PALM2AKAP2: variants seen among roughly 807,000 people sequenced by gnomAD.
PALM2AKAP2 encodes the protein PALM2 and AKAP2 fusion.
In PALM2AKAP2, 37 loss-of-function variants were observed where a neutral mutation model predicts 71.5. The observed-to-expected ratio is 0.52, with a 90% confidence interval of 0.40 to 0.68. The LOEUF (loss-of-function observed/expected upper bound fraction) is 0.68, where lower values mean the gene tolerates loss of function less well. PALM2AKAP2 is among the 30% of genes least tolerant of loss of function. The probability of loss-of-function intolerance (pLI) is 0.00; values close to 1 mark genes in which losing one functional copy is unlikely to be tolerated. For synonymous variants in PALM2AKAP2, 468 were observed against 478.8 expected (o/e 0.98, Z 0.29); for missense variants, 1,224 against 1,191.8 (o/e 1.03, Z -0.40).
At chr9:109,992,413 T>A in intron 6 of PALM2AKAP2, among the ~76,000 whole-genome samples, 1 of 152,354 alleles carries the variant, frequency 6.6e-6, no homozygotes, top group East Asian at 1.9e-4. Context: ...AATATCTTTT[T>A]AATTTTATTT....
At chr9:109,728,446 G>A (rs1013412659) in intron 1 of PALM2AKAP2, among the ~76,000 whole-genome samples, 6 of 152,176 alleles carry the variant, frequency 3.9e-5, no homozygotes, top group African/African-American at 1.4e-4. Flanking sequence ...ACACACAGAA[G>A]GAAGAAGTAA....
chr9:109,984,106 T>G (rs1832328395), intron 6 of PALM2AKAP2, among the ~76,000 whole-genome samples: 1 of 152,172 alleles, frequency 6.6e-6, no homozygotes, highest in African/African-American at 2.4e-5. Flanking sequence ...CTTGACCACT[T>G]TTTGGTGCGA....
At chr9:110,003,085 G>C (rs1239014604) in intron 6 of PALM2AKAP2, among the ~76,000 whole-genome samples, 2 of 152,252 alleles carry the variant, frequency 1.3e-5, no homozygotes, top group Admixed American at 1.3e-4. Flanking sequence ...TTTTGAACGT[G>C]TTTGCTCTTA....
intron 1 of PALM2AKAP2, among the ~76,000 whole-genome samples, chr9:109,829,489 G>A (rs1712901707): frequency 6.6e-6 from 1 of 152,138 alleles, no homozygotes; most frequent in African/African-American, 2.4e-5. Context: ...GTAATTCAGG[G>A]TGTCTTAGGA....
intron 1 of PALM2AKAP2, among the ~76,000 whole-genome samples, chr9:109,770,555 A>G (rs1372955352): frequency 2.0e-5 from 3 of 152,234 alleles, no homozygotes; most frequent in Non-Finnish European, 4.4e-5. Context: ...AAAATGTTAC[A>G]AAAGGTTTGT....
chr9:109,965,118 A>C (rs1831922145), intron 6 of PALM2AKAP2, among the ~76,000 whole-genome samples: 1 of 152,246 alleles, frequency 6.6e-6, no homozygotes, highest in East Asian at 1.9e-4. Context: ...CAGTATTTAT[A>C]AGCCCTAGAC....
chr9:109,960,356 T>G (rs1227278397), intron 6 of PALM2AKAP2, among the ~76,000 whole-genome samples: 1 of 152,252 alleles, frequency 6.6e-6, no homozygotes, highest in African/African-American at 2.4e-5. Flanking sequence ...TCCTCTGTAT[T>G]CATTGGATAA....
At chr9:110,025,224 C>T (rs1262145621) in intron 7 of PALM2AKAP2, 1 of 1,183,854 alleles carries the variant, frequency 8.4e-7, no homozygotes, top group African/African-American at 1.5e-5. Flanking sequence ...GAACAGTACC[C>T]ATTCCCTTGA....
intron 1 of PALM2AKAP2, among the ~76,000 whole-genome samples, chr9:109,679,696 G>T (rs1004150601): frequency 6.6e-6 from 1 of 152,004 alleles, no homozygotes; most frequent in East Asian, 1.9e-4. Flanking sequence ...GAGCTCAGGG[G>T]TATGAGCTCT....
At chr9:109,961,496 A>G (rs891429865) in intron 6 of PALM2AKAP2, among the ~76,000 whole-genome samples, 2 of 144,784 alleles carry the variant, frequency 1.4e-5, no homozygotes, top group African/African-American at 5.0e-5. Context: ...ATGAATTGTT[A>G]TTGAGTGGCC....
intron 1 of PALM2AKAP2, among the ~76,000 whole-genome samples, chr9:110,075,451 T>G: frequency 1.3e-5 from 2 of 152,280 alleles, no homozygotes; most frequent in South Asian, 4.1e-4. Context: ...ATTATAGAAA[T>G]GTAGACATAA....
At chr9:109,756,062 G>T (rs1229091718) in intron 1 of PALM2AKAP2, among the ~76,000 whole-genome samples, 4 of 152,122 alleles carry the variant, frequency 2.6e-5, no homozygotes, top group African/African-American at 9.7e-5. Context: ...CCAAGGGGCA[G>T]AATCACCTAA....
chr9:110,004,511 G>C (rs1290735021), intron 6 of PALM2AKAP2, among the ~76,000 whole-genome samples: 6 of 152,070 alleles, frequency 3.9e-5, no homozygotes, highest in Admixed American at 3.9e-4. Flanking sequence ...ATGTGTCTTG[G>C]AGTTGCTCTT....
At chr9:109,715,014 C>T (rs1416273252) in intron 1 of PALM2AKAP2, among the ~76,000 whole-genome samples, 2 of 152,216 alleles carry the variant, frequency 1.3e-5, no homozygotes, top group African/African-American at 4.8e-5. Context: ...GCACAAATCC[C>T]ATCTGGGCAT....
At position 110,011,113 on chromosome 9, in the gene PALM2AKAP2, T is replaced by G. The variant is rs186375481; in HGVS notation, c.497-4841T>G. ...TATTTCTCTATATATTCCATATATA[T>G]TCTCTGTCTAGAATATATAAATGTA... On this transcript the variant is annotated intron_variant, in intron 6 of 9. Transcript: ENST00000302798. Among the ~76,000 whole-genome samples, 1,440 of 146,068 alleles carry G rather than the reference T, an allele frequency of 9.9e-3. 24 individuals are homozygous for G. The highest frequency in any genetic ancestry group is 0.035 in the African/African-American group (1,388 of 40,132).
At chr9:109,786,459 A>T (rs1301325180) in intron 1 of PALM2AKAP2, among the ~76,000 whole-genome samples, 1 of 152,224 alleles carries the variant, frequency 6.6e-6, no homozygotes, top group East Asian at 1.9e-4. Flanking sequence ...CTGGTCATTC[A>T]TCTGTTATCT....
At chr9:109,927,799 G>A (rs749431735) in intron 5 of PALM2AKAP2, among the ~76,000 whole-genome samples, 11 of 152,324 alleles carry the variant, frequency 7.2e-5, no homozygotes, top group Non-Finnish European at 1.3e-4. Context: ...TCTATTGGGT[G>A]GGTTGGTTTT....
At chr9:110,021,876 G>A (rs1199682622) in intron 7 of PALM2AKAP2, among the ~76,000 whole-genome samples, 1 of 152,144 alleles carries the variant, frequency 6.6e-6, no homozygotes, top group African/African-American at 2.4e-5. Context: ...GAAGACCTGG[G>A]CTTGAGAATT....
rs546430695 is a variant in PALM2AKAP2 at position 110,002,027 on chromosome 9, C to G, written c.497-13927C>G. On this transcript the variant is annotated intron_variant, in intron 6 of 9. Transcript: ENST00000302798. ...TTATTTCCTTCTCCTTCCTGATTGCCCTGGCCAGAACTTCCAACACTATGT... is the reference window on the plus strand; with the variant it reads ...TTATTTCCTTCTCCTTCCTGATTGCGCTGGCCAGAACTTCCAACACTATGT... 3.9e-5 allele frequency among the ~76,000 whole-genome samples: 6 copies of G among 152,170 alleles called. No individual in the cohort carries two copies. In the South Asian group the frequency reaches 1.2e-3, roughly 32 times the overall value.
Sources: gnomAD v4.1 joint callset for allele counts (sites outside exome capture counted in the v4.1 genomes callset) on GRCh38, gnomAD v4.1.1 for gene constraint, MANE v1.5 for transcripts, NCBI Gene and HGNC (gene_info 2026-07-23, HGNC 2026-07-21) for gene names.